Variants in MYO1F observed in about 807,000 individuals in gnomAD.
MYO1F encodes myosin IF.
MYO1F carries 60 observed loss-of-function variants against 146.6 expected under a neutral mutation model. The ratio of observed to expected loss-of-function variants is 0.41; its 90% CI spans 0.33 to 0.51. MYO1F has a LOEUF of 0.51. Among genes scored for constraint, MYO1F ranks in the 20% least tolerant of loss-of-function variants. MYO1F has a pLI of 0.25. For missense variants in MYO1F, 1,274 were observed against 1,534.3 expected (o/e 0.83, Z 2.83); for synonymous variants, 602 against 602.1 (o/e 1.00, Z 0.00).
intron 1 of MYO1F, among the ~76,000 whole-genome samples, chr19:8,571,484 G>T (rs1396893667): frequency 1.5e-4 from 22 of 151,420 alleles, no homozygotes; most frequent in Non-Finnish European, 2.7e-4. Flanking sequence ...GCATGATCTC[G>T]GCTCACTGCA....
chr19:8,571,994 A>C (rs1555732080), intron 1 of MYO1F, among the ~76,000 whole-genome samples: 2 of 152,108 alleles, frequency 1.3e-5, no homozygotes, highest in African/African-American at 4.8e-5. Context: ...AAGTATTGGG[A>C]TTACAGGCGT....
chr19:8,576,973 G>T, intron 1 of MYO1F: 1 of 512,590 alleles, frequency 2.0e-6, no homozygotes, highest in Non-Finnish European at 3.5e-6. Context: ...GCTGGACTGG[G>T]AAAGGGCTCC....
intron 22 of MYO1F, 123 bp downstream of exon 22, chr19:8,527,215 C>A (rs1972307326): frequency 7.3e-7 from 1 of 1,370,360 alleles, no homozygotes; most frequent in Non-Finnish European, 1.0e-6. Flanking sequence ...CAGGTGGGGC[C>A]AACAGAGGGC....
rs1972450038 is a variant in MYO1F at position 8,530,665 on chromosome 19, G to A, written c.2044-92C>T. The A allele has an allele frequency of 4.9e-6, 5 of 1,020,646 alleles. No homozygotes were observed. The highest frequency in any genetic ancestry group is 7.6e-6 in the Non-Finnish European group (5 of 657,200). The allele number at this position is 1,020,646 out of a possible 1,614,324, so 63.2% of individuals were successfully genotyped here. A position where few individuals can be genotyped will look rare whatever the true frequency, so the allele number is the denominator to read the frequency against. On this transcript the variant is annotated intron_variant, in intron 19 of 27. Coordinates refer to ENST00000644032, the MANE Select transcript of MYO1F (RefSeq NM_012335.4). The surrounding 1 kb of genome is among the most constrained non-coding windows in gnomAD (Gnocchi z 5.8). ...TTCCCTGCGCTCACCCTACTCACAC[G>A]CTTTTGCTCACCCATCCCCACACAT... is the stretch of plus-strand genomic sequence containing the variant.
chr19:8,577,223 T>G lies in MYO1F; in HGVS notation c.3+84A>C. ...ACCATGCCCCTCCCCTCACCCCAAT[T>G]TCTGATGGTCATTTTTAGGACACCT... On this transcript the variant is annotated intron_variant, in intron 1 of 27. Transcript: ENST00000644032. This position sits in a 1 kb window ranked among gnomAD's most constrained non-coding sequence, Gnocchi z 4.3. The G allele has an allele frequency of 9.7e-6, 15 of 1,540,702 alleles. No homozygotes were observed. Among genetic ancestry groups the G allele is most frequent in the Non-Finnish European group, 1.3e-5 (15 of 1,126,494 alleles).
At chr19:8,543,711 GTGGTGGTGGTGGTGCTGGTGGTGC>G (rs1568348562) in intron 14 of MYO1F, among the ~76,000 whole-genome samples, 266 of 20,488 alleles carry the variant, frequency 0.013, no homozygotes, top group Non-Finnish European at 0.018. Flanking sequence ...GGTGGTGCTG[GTGGTGGTGGTGGTGCTGGTGGTGC>G]TGGTGGTGCT....
At chr19:8,545,815 T>C in intron 12 of MYO1F, 79 bp from the exon 13 acceptor site, 1 of 976,900 alleles carries the variant, frequency 1.0e-6, no homozygotes, top group Non-Finnish European at 1.7e-6. Context: ...TCTCCCCTTC[T>C]CCATCTCATC....
rs1427643534 is a variant in MYO1F, at chr19:8,561,091, A to C, written c.4-5295T>G. Reference sequence around the variant, plus strand: ...GAGACATGGTCTTGCTCTGTTGCTCAGGCTGATGTCTATAACTCCTGGGCT... The same window carrying C: ...GAGACATGGTCTTGCTCTGTTGCTCCGGCTGATGTCTATAACTCCTGGGCT... On this transcript the variant is annotated intron_variant, in intron 1 of 27. Coordinates refer to ENST00000644032, the MANE Select transcript of MYO1F (RefSeq NM_012335.4). 4.6e-5 allele frequency among the ~76,000 whole-genome samples: 7 copies of C among 151,858 alleles called. No homozygotes were observed. The East Asian group carries it at 1.2e-3, about 25-fold the overall frequency.
Position 8,553,364 on chromosome 19 carries a change from C to T in MYO1F, c.400G>A (p.Gly134Ser). Reference sequence around the variant, plus strand: ...CCTCGTCTCACCTGGACCTTCTCGCCTCCGCCAGACACCTTGGAGATGTAG... The same window carrying T: ...CCTCGTCTCACCTGGACCTTCTCGCTTCCGCCAGACACCTTGGAGATGTAG... Reference protein sequence around the residue: ...MGYISKVSGGGEKVQHVKDII... With the variant: ...MGYISKVSGGSEKVQHVKDII... The change falls in exon 5 of 28, where the codon GGC becomes AGC. Residue 134 changes from glycine to serine, a missense_variant. Around this residue, in one of 2 missense-constraint regions of MYO1F, gnomAD observed 900 missense variants for 1,155.1 expected, o/e 0.78. Coordinates refer to ENST00000644032, the MANE Select transcript of MYO1F (RefSeq NM_012335.4). The T allele has an allele frequency of 1.9e-6, 3 of 1,614,114 alleles. No homozygotes were observed. The highest frequency in any genetic ancestry group is 2.5e-6 in the Non-Finnish European group (3 of 1,180,024).
chr19:8,525,564 T>C lies in MYO1F; in HGVS notation c.2771-2A>G. 2 of 1,612,682 alleles carry C rather than the reference T, an allele frequency of 1.2e-6. No individual in the cohort carries two copies. The highest frequency in any genetic ancestry group is 1.7e-6 in the Non-Finnish European group (2 of 1,179,536). ...TGGCCATTCCCTTCCGCGTAGGCTC[T>C]GAAAGAAGAGTGTCAGGGAGTTGAA... On this transcript the variant is annotated splice_acceptor_variant, in intron 24 of 27. Coordinates refer to ENST00000644032, the MANE Select transcript of MYO1F (RefSeq NM_012335.4). LOFTEE classifies it high-confidence loss of function.
At chr19:8,574,420 C>T (rs1223396455) in intron 1 of MYO1F, among the ~76,000 whole-genome samples, 1 of 152,202 alleles carries the variant, frequency 6.6e-6, no homozygotes, top group Non-Finnish European at 1.5e-5. Context: ...CAATGGTCCC[C>T]AACATTTTTG....
chr19:8,560,607 C>G (rs1337320452), intron 1 of MYO1F, among the ~76,000 whole-genome samples: 1 of 152,032 alleles, frequency 6.6e-6, no homozygotes. Flanking sequence ...CAGGGTCTCA[C>G]TCTGTCTCCC....
rs576021345 is a variant in MYO1F, at chr19:8,548,585, C to T, written c.1102-268G>A. 1.1e-4 allele frequency among the ~76,000 whole-genome samples: 17 copies of T among 151,474 alleles called. 1 individual carries two copies. The highest frequency in any genetic ancestry group is 4.1e-4 in the African/African-American group (17 of 41,208). On this transcript the variant is annotated intron_variant, in intron 10 of 27. Coordinates refer to ENST00000644032, the MANE Select transcript of MYO1F (RefSeq NM_012335.4). The stretch of plus-strand genomic sequence containing the variant: ...TCTGCCCCTGAACCTCTCTGCACCT[C>T]TATTTTCTTTTTTTTTTTTTCTTTT...
At chr19:8,559,373 A>C (rs1315974930) in intron 1 of MYO1F, among the ~76,000 whole-genome samples, 1 of 151,234 alleles carries the variant, frequency 6.6e-6, no homozygotes, top group African/African-American at 2.4e-5. Context: ...GCATGATCAG[A>C]TTCTGGACAT....
intron 13 of MYO1F, among the ~76,000 whole-genome samples, chr19:8,545,128 C>T (rs1217153990): frequency 1.3e-5 from 2 of 151,598 alleles, no homozygotes; most frequent in Non-Finnish European, 2.9e-5. Flanking sequence ...TGTTCTGTTC[C>T]TCAGGCTGGA....
At chr19:8,574,569 TTCTTTCTTTCTCTCTCTCTCTCTCTC>T (rs1408025411) in intron 1 of MYO1F, among the ~76,000 whole-genome samples, 3 of 86,870 alleles carry the variant, frequency 3.5e-5, no homozygotes, top group Admixed American at 1.1e-4. Flanking sequence ...CTTTCTTTCT[TTCTTTCTTTCTCTCTCTCTCTCTCTC>T]TCTTTCTTTC....
intron 8 of MYO1F, among the ~76,000 whole-genome samples, chr19:8,551,116 A>G (rs1348087305): frequency 2.0e-5 from 3 of 150,456 alleles, no homozygotes; most frequent in Non-Finnish European, 4.4e-5. Context: ...CAGCGGCGCT[A>G]TCTTGGCTCA....
chr19:8,532,957 CTTTA>C (rs1972553622), intron 19 of MYO1F, among the ~76,000 whole-genome samples: 1 of 146,872 alleles, frequency 6.8e-6, no homozygotes, highest in African/African-American at 2.5e-5. Context: ...CACAATTGGG[CTTTA>C]TTTAGAAAAA....
At chr19:8,574,830 A>G (rs1247875762) in intron 1 of MYO1F, among the ~76,000 whole-genome samples, 1 of 139,802 alleles carries the variant, frequency 7.2e-6, no homozygotes, top group Non-Finnish European at 1.5e-5. Flanking sequence ...ATCTCGTCTC[A>G]TTGCGACCTC....
Sources: allele counts gnomAD v4.1 joint callset (sites outside exome capture counted in the v4.1 genomes callset), GRCh38; gene constraint gnomAD v4.1.1; regional missense constraint gnomAD v4.1.1; non-coding constraint Gnocchi (gnomAD v3.1); transcripts MANE v1.5; gene names NCBI Gene and HGNC (gene_info 2026-07-23, HGNC 2026-07-21).